SH3KBP1: variants seen among roughly 807,000 people sequenced by gnomAD.
SH3KBP1 encodes SH3 domain-containing kinase-binding protein 1.
A neutral mutation model predicts 50.1 loss-of-function variants in SH3KBP1; 8 were observed. That is an observed-to-expected ratio of 0.16 (90% CI 0.09 to 0.29). The LOEUF (loss-of-function observed/expected upper bound fraction) is 0.29. Ranked by LOEUF, SH3KBP1 falls within the 10% of genes least tolerant of loss-of-function variation. SH3KBP1 has a pLI of 1.00. For missense variants in SH3KBP1, 377 were observed against 535.2 expected (o/e 0.70, Z 2.92); for synonymous variants, 227 against 218.6 (o/e 1.04, Z -0.34).
intron 1 of SH3KBP1, among the ~76,000 whole-genome samples, chrX:19,874,087 A>ATATATATATATATATATATATAT (rs1207906391): frequency 1.0e-5 from 1 of 95,286 alleles, no homozygotes; most frequent in African/African-American, 4.4e-5. Context: ...ATATATATAT[A>ATATATATATATATATATATATAT]AAACTCTAAA....
intron 1 of SH3KBP1, among the ~76,000 whole-genome samples, chrX:19,866,727 CT>C (rs1185664580): frequency 9.1e-6 from 1 of 109,830 alleles, no homozygotes; most frequent in Non-Finnish European, 1.9e-5. Context: ...AAAGAAATTT[CT>C]GTTAACGGCT....
At chrX:19,668,974 A>ATATATATATATATT (rs1491195501) in intron 6 of SH3KBP1, among the ~76,000 whole-genome samples, 1 of 63,868 alleles carries the variant, frequency 1.6e-5, no homozygotes, top group Non-Finnish European at 3.0e-5. Flanking sequence ...ATATATATAT[A>ATATATATATATATT]TTTTTTGAGA....
chrX:19,589,834 T>C (rs778083900), intron 11 of SH3KBP1, among the ~76,000 whole-genome samples: 129 of 107,979 alleles, frequency 1.2e-3, no homozygotes, highest in African/African-American at 4.2e-3. Flanking sequence ...AAAAAACCCA[T>C]CAGGGCTGGG....
chrX:19,860,280 T>TA (rs35933756), intron 1 of SH3KBP1, among the ~76,000 whole-genome samples: 16 of 41,323 alleles, frequency 3.9e-4, no homozygotes, highest in East Asian at 3.3e-3. Context: ...ATCCCACCTC[T>TA]AAAAAAAAAA....
intron 2 of SH3KBP1, among the ~76,000 whole-genome samples, chrX:19,769,237 A>G (rs1303312821): frequency 9.5e-6 from 1 of 105,214 alleles, no homozygotes; most frequent in African/African-American, 3.6e-5. Flanking sequence ...GGCATGCACC[A>G]CCATGCCCGG....
chrX:19,759,807 A>G (rs1317253160), intron 2 of SH3KBP1, among the ~76,000 whole-genome samples: 2 of 111,633 alleles, frequency 1.8e-5, no homozygotes, highest in East Asian at 2.8e-4. Flanking sequence ...ATCAAATGCT[A>G]AACTGTACAA....
intron 9 of SH3KBP1, among the ~76,000 whole-genome samples, chrX:19,599,959 C>T (rs912261169): frequency 8.2e-5 from 9 of 109,507 alleles, no homozygotes; most frequent in East Asian, 5.7e-4. Flanking sequence ...CACGGTGAAA[C>T]GCCGTCTCTA....
chrX:19,672,690 G>A (rs1021725816), intron 6 of SH3KBP1, among the ~76,000 whole-genome samples: 7 of 111,778 alleles, frequency 6.3e-5, no homozygotes, highest in Non-Finnish European at 9.4e-5. Context: ...TATTCTGGAT[G>A]GGATCCTGCA....
At chrX:19,776,532 GTTTT>G (rs72090569) in intron 2 of SH3KBP1, among the ~76,000 whole-genome samples, 6 of 25,679 alleles carry the variant, frequency 2.3e-4, no homozygotes, top group African/African-American at 5.0e-4. Context: ...TGACAACCTG[GTTTT>G]TTTTTTTTTT....
At chrX:19,851,833 G>A (rs769247994) in intron 1 of SH3KBP1, among the ~76,000 whole-genome samples, 16 of 111,901 alleles carry the variant, frequency 1.4e-4, no homozygotes, top group African/African-American at 5.2e-4. Flanking sequence ...CACCATGCCC[G>A]GCAGAAAATA....
intron 2 of SH3KBP1, among the ~76,000 whole-genome samples, chrX:19,774,928 AG>A (rs1031623646): frequency 3.0e-4 from 33 of 111,197 alleles, no homozygotes; most frequent in African/African-American, 1.0e-3. Context: ...ACACCTGGCC[AG>A]ACCTTCTATG....
At chrX:19,682,894 C>CAA (rs552090695) in intron 6 of SH3KBP1, among the ~76,000 whole-genome samples, 3 of 54,069 alleles carry the variant, frequency 5.5e-5, no homozygotes, top group African/African-American at 1.4e-4. Context: ...GTTATCCCAC[C>CAA]AAAAAAAAAA....
intron 3 of SH3KBP1, among the ~76,000 whole-genome samples, chrX:19,707,554 A>T (rs1444635797): frequency 9.0e-6 from 1 of 111,294 alleles, no homozygotes; most frequent in African/African-American, 3.3e-5. Context: ...GGATTCAACA[A>T]ATCTACTTCT....
intron 9 of SH3KBP1, among the ~76,000 whole-genome samples, chrX:19,604,930 T>A (rs912728665): frequency 8.9e-6 from 1 of 111,945 alleles, no homozygotes; most frequent in Non-Finnish European, 1.9e-5. Flanking sequence ...GTTTTCTGCT[T>A]CATAAGGACA....
intron 2 of SH3KBP1, among the ~76,000 whole-genome samples, chrX:19,825,181 T>C (rs2067640356): frequency 8.9e-6 from 1 of 111,844 alleles, no homozygotes; most frequent in Non-Finnish European, 1.9e-5. Flanking sequence ...TAACGAAATA[T>C]TTTCCCTAAT....
At chrX:19,828,368 T>C (rs1945846102) in intron 2 of SH3KBP1, among the ~76,000 whole-genome samples, 1 of 111,918 alleles carries the variant, frequency 8.9e-6, no homozygotes, top group Admixed American at 9.5e-5. Context: ...ACATGTTCTT[T>C]GTATGTTTTT....
chrX:19,541,413 A>G (rs1024176586), intron 16 of SH3KBP1, among the ~76,000 whole-genome samples: 36 of 111,867 alleles, frequency 3.2e-4, no homozygotes, highest in South Asian at 2.6e-3. Context: ...CTGCAGTCTC[A>G]TGGTGAGAAC....
At position 19,670,979 on chromosome X, in the gene SH3KBP1, G is replaced by C. The variant is rs1351759970; in HGVS notation, c.726+12844C>G. 7 of 1,088,303 alleles carry C rather than the reference G, an allele frequency of 6.4e-6. No homozygotes were observed. In the East Asian group the frequency reaches 2.4e-4, roughly 37 times the overall value. 89.7% of individuals were successfully genotyped at this position (1,088,303 alleles called of 1,213,427 possible). On this transcript the variant is annotated intron_variant, in intron 6 of 17. Transcript: ENST00000397821. ...GAGCCTGAGGACCCAGCCTAACCCT[G>C]AGTCATACTTGGGACCAAATGAGGA... is the stretch of plus-strand genomic sequence containing the variant.
intron 8 of SH3KBP1, among the ~76,000 whole-genome samples, chrX:19,623,400 T>A (rs2067908582): frequency 8.9e-6 from 1 of 112,132 alleles, no homozygotes. Context: ...TAAAAGTGTA[T>A]CCCCGCCAGG....
Sources: allele counts gnomAD v4.1 joint callset (sites outside exome capture counted in the v4.1 genomes callset), GRCh38; gene constraint gnomAD v4.1.1; transcripts MANE v1.5; gene names NCBI Gene and HGNC (gene_info 2026-07-23, HGNC 2026-07-21).